The following PDE10A variants were observed in gnomAD, a reference collection of about 807,000 sequenced individuals.
The protein encoded by PDE10A is cAMP and cAMP-inhibited cGMP 3',5'-cyclic phosphodiesterase 10A.
A neutral mutation model predicts 97.7 loss-of-function variants in PDE10A; 39 were observed. The observed-to-expected ratio is 0.40, with a 90% CI of 0.31 to 0.52. The LOEUF is 0.52. Among genes scored for constraint, PDE10A ranks in the 20% least tolerant of loss-of-function variants. The probability of loss-of-function intolerance (pLI) is 0.56; values close to 1 mark genes in which losing one functional copy is unlikely to be tolerated. For synonymous variants in PDE10A, 371 were observed against 376.8 expected, an observed-to-expected ratio of 0.98 and a Z score of 0.18; for missense variants, 731 against 1,047.8, an observed-to-expected ratio of 0.70 and a Z score of 4.17.
chr6:165,443,905 G>A (rs1442227775), intron 5 of PDE10A, among the ~76,000 whole-genome samples: 2 of 152,006 alleles, frequency 1.3e-5, no homozygotes, highest in Non-Finnish European at 2.9e-5. Flanking sequence ...AAATGTCCTG[G>A]AGACATTTTC....
chr6:165,668,537 C>T (rs896217450), intron 1 of PDE10A, among the ~76,000 whole-genome samples: 1 of 151,604 alleles, frequency 6.6e-6, no homozygotes, highest in South Asian at 2.1e-4. Flanking sequence ...GGCATGTATA[C>T]AAGGGGTTCG....
At chr6:165,763,128 TAGAC>T (rs778195327) in intron 1 of PDE10A, among the ~76,000 whole-genome samples, 2 of 152,220 alleles carry the variant, frequency 1.3e-5, no homozygotes, top group Admixed American at 6.5e-5. Flanking sequence ...CTAATGGAGA[TAGAC>T]AGAGCTCACA....
chr6:165,790,708 G>A (rs183003424), intron 1 of PDE10A, among the ~76,000 whole-genome samples: 95 of 152,134 alleles, frequency 6.2e-4, no homozygotes, highest in East Asian at 5.4e-3. Flanking sequence ...CTCATTCACT[G>A]TGGAGGCCTG....
intron 1 of PDE10A, among the ~76,000 whole-genome samples, chr6:165,816,881 G>A (rs1165487438): frequency 6.6e-6 from 1 of 152,122 alleles, no homozygotes; most frequent in Non-Finnish European, 1.5e-5. Flanking sequence ...GTGGAAGAGT[G>A]CAGGCAGGAA....
intron 1 of PDE10A, among the ~76,000 whole-genome samples, chr6:165,936,601 G>T (rs1280940476): frequency 1.3e-5 from 2 of 152,190 alleles, no homozygotes; most frequent in Non-Finnish European, 2.9e-5. Flanking sequence ...AGGCAGGGTG[G>T]TGGGAATGGG....
chr6:165,654,433 G>A (rs529307364), intron 1 of PDE10A, among the ~76,000 whole-genome samples: 13 of 151,880 alleles, frequency 8.6e-5, no homozygotes, highest in Admixed American at 3.3e-4. Flanking sequence ...GAGAAATGGC[G>A]GTCAGAAGCT....
intron 1 of PDE10A, among the ~76,000 whole-genome samples, chr6:165,961,125 G>A (rs933945443): frequency 9.2e-5 from 14 of 152,106 alleles, no homozygotes; most frequent in African/African-American, 3.4e-4. Flanking sequence ...GGGTGGGGAT[G>A]GGGTGCAGGG....
chr6:165,572,617 C>T (rs1785101059), intron 1 of PDE10A, among the ~76,000 whole-genome samples: 1 of 152,194 alleles, frequency 6.6e-6, no homozygotes, highest in Admixed American at 6.5e-5. Context: ...AATAGTCACT[C>T]GGCTGGGTGC....
At chr6:165,639,848 G>A (rs372178154) in intron 1 of PDE10A, among the ~76,000 whole-genome samples, 9 of 152,098 alleles carry the variant, frequency 5.9e-5, no homozygotes, top group Non-Finnish European at 8.8e-5. Flanking sequence ...AGGGAGGACT[G>A]CTTGAGCCCA....
chr6:165,713,328 A>C (rs974429262), intron 1 of PDE10A, among the ~76,000 whole-genome samples: 2 of 152,252 alleles, frequency 1.3e-5, no homozygotes, highest in African/African-American at 4.8e-5. Context: ...ATGCATAAAG[A>C]GTATGCTTGT....
At chr6:165,396,688 C>G (rs958078841) in intron 13 of PDE10A, among the ~76,000 whole-genome samples, 1 of 152,226 alleles carries the variant, frequency 6.6e-6, no homozygotes, top group Non-Finnish European at 1.5e-5. Context: ...AAATTTTTAT[C>G]AGACATTATC....
intron 1 of PDE10A, among the ~76,000 whole-genome samples, chr6:165,690,617 G>T (rs772616607): frequency 6.6e-6 from 1 of 152,092 alleles, no homozygotes; most frequent in Admixed American, 6.5e-5. Context: ...ATGTTCATGG[G>T]GCTTCCAGCC....
intron 1 of PDE10A, among the ~76,000 whole-genome samples, chr6:165,715,856 C>T (rs557160040): frequency 2.6e-5 from 4 of 152,298 alleles, no homozygotes; most frequent in South Asian, 2.1e-4. Flanking sequence ...TGTGGCATCA[C>T]GAATGTTACT....
intron 2 of PDE10A, among the ~76,000 whole-genome samples, chr6:165,518,338 A>C (rs2128306590): frequency 6.6e-6 from 1 of 152,334 alleles, no homozygotes; most frequent in East Asian, 1.9e-4. Context: ...CACAATATTA[A>C]ATGGAAAATT....
intron 3 of PDE10A, among the ~76,000 whole-genome samples, chr6:165,464,948 A>T (rs1220114157): frequency 5.3e-5 from 8 of 152,208 alleles, no homozygotes; most frequent in African/African-American, 1.9e-4. Flanking sequence ...TTGAGCTATT[A>T]TGAATAAAGC....
intron 1 of PDE10A, among the ~76,000 whole-genome samples, chr6:165,744,340 T>C (rs1449292468): frequency 6.6e-6 from 1 of 152,238 alleles, no homozygotes; most frequent in Non-Finnish European, 1.5e-5. Context: ...TTTTTGTATA[T>C]GTGTGCATAA....
intron 1 of PDE10A, among the ~76,000 whole-genome samples, chr6:165,717,935 T>A (rs1298344493): frequency 6.6e-6 from 1 of 152,202 alleles, no homozygotes; most frequent in Non-Finnish European, 1.5e-5. Flanking sequence ...TGAATCAGGA[T>A]GTCTGGGGTT....
intron 1 of PDE10A, among the ~76,000 whole-genome samples, chr6:165,613,969 C>T (rs1787611754): frequency 6.6e-6 from 1 of 152,150 alleles, no homozygotes; most frequent in Admixed American, 6.5e-5. Flanking sequence ...CATCATTCAC[C>T]CACCTGCCCA....
In PDE10A at chr6:165,432,985, T is replaced by C; in HGVS notation, c.1480A>G (p.Ser494Gly). 2.5e-6 allele frequency: 4 copies of C among 1,613,704 alleles called. No homozygotes were observed. Among genetic ancestry groups the C allele is most frequent in the Non-Finnish European group, 3.4e-6 (4 of 1,179,784 alleles). ...TTTAAAGGCCTTACCTCCTGGTGACTAAGACAGAAGGCTTCTTTGCCCCAG... is the reference window on the plus strand; with the variant it reads ...TTTAAAGGCCTTACCTCCTGGTGACCAAGACAGAAGGCTTCTTTGCCCCAG... ...RHWGKEAFCL[S>G]HQEVATANLA... Residue 494 changes from serine (S) to glycine (G), a missense_variant, in exon 7 of 22, where the codon AGT (serine) becomes GGT (glycine). Ser to Gly is a moderately conservative substitution (Grantham distance 56, BLOSUM62 0). Transcript: ENST00000539869.
Sources: allele counts gnomAD v4.1 joint callset (sites outside exome capture counted in the v4.1 genomes callset), GRCh38; gene constraint gnomAD v4.1.1; transcripts MANE v1.5; gene names NCBI Gene and HGNC (gene_info 2026-07-23, HGNC 2026-07-21).